Variants in FBXW11 observed in about 807,000 individuals in gnomAD.
The protein encoded by FBXW11 is F-box and WD repeat domain containing 11, also known as F-box/WD repeat-containing protein 11.
Under a neutral mutation model 77.6 loss-of-function variants are expected in FBXW11, and 19 were observed. That is an observed-to-expected ratio of 0.24 (90% CI 0.17 to 0.36). The LOEUF (loss-of-function observed/expected upper bound fraction) is 0.36. FBXW11 is among the 10% of genes least tolerant of loss of function. The pLI is 1.00. For synonymous variants in FBXW11, 235 were observed against 249.4 expected (o/e 0.94, Z 0.54); for missense variants, 334 against 704.2 (o/e 0.47, Z 5.95).
chr5:171,919,125 C>T (rs765155087), intron 2 of FBXW11, among the ~76,000 whole-genome samples: 1 of 152,026 alleles, frequency 6.6e-6, no homozygotes, highest in Non-Finnish European at 1.5e-5. Flanking sequence ...TCCTGCTTGC[C>T]ATTAAATTCA....
chr5:171,916,316 A>C, intron 2 of FBXW11: 1 of 296,544 alleles, frequency 3.4e-6, no homozygotes, highest in Non-Finnish European at 5.0e-6. Context: ...TTCTAATTTC[A>C]GAGATTTTGA....
At chr5:171,992,244 A>G (rs1440189507) in intron 1 of FBXW11, among the ~76,000 whole-genome samples, 1 of 152,050 alleles carries the variant, frequency 6.6e-6, no homozygotes, top group Non-Finnish European at 1.5e-5. Flanking sequence ...CCTGGCCAAC[A>G]TAGTGAAACC....
chr5:171,985,419 G>A (rs1339720920), intron 1 of FBXW11, among the ~76,000 whole-genome samples: 2 of 151,996 alleles, frequency 1.3e-5, no homozygotes, highest in Non-Finnish European at 2.9e-5. Flanking sequence ...GAGGCCAGGA[G>A]TTTGAGACCA....
intron 3 of FBXW11, among the ~76,000 whole-genome samples, chr5:171,913,032 A>G (rs1476349685): frequency 2.0e-5 from 3 of 152,190 alleles, no homozygotes; most frequent in Non-Finnish European, 4.4e-5. Flanking sequence ...GACAAGGGGA[A>G]CACACCATGA....
intron 1 of FBXW11, among the ~76,000 whole-genome samples, chr5:171,979,268 A>G (rs1765015286): frequency 6.6e-6 from 1 of 152,174 alleles, no homozygotes; most frequent in African/African-American, 2.4e-5. Flanking sequence ...AGCCACAATC[A>G]TGCTACTGCA....
chr5:171,865,992 C>T (rs1053599800), intron 13 of FBXW11, among the ~76,000 whole-genome samples: 10 of 152,130 alleles, frequency 6.6e-5, no homozygotes, highest in Admixed American at 4.6e-4. Context: ...GGGCCGCACG[C>T]GGTGGCTCAC....
intron 2 of FBXW11, among the ~76,000 whole-genome samples, chr5:171,936,109 T>TAAAAAAAAAAAAAAA (rs61349170): frequency 5.1e-5 from 3 of 59,336 alleles, no homozygotes; most frequent in African/African-American, 1.3e-4. Flanking sequence ...AGACTCCATC[T>TAAAAAAAAAAAAAAA]AAAAAAAAAA....
At chr5:171,947,450 G>A (rs1763070798) in intron 2 of FBXW11, among the ~76,000 whole-genome samples, 1 of 151,966 alleles carries the variant, frequency 6.6e-6, no homozygotes, top group East Asian at 1.9e-4. Flanking sequence ...TGTAATCTCA[G>A]GATTTTGCAA....
At position 171,905,589 on chromosome 5, in the gene FBXW11, AC is replaced by A. The variant is rs748894864; in HGVS notation, c.436+4982del. On this transcript the variant is annotated intron_variant, in intron 4 of 13. Transcript: ENST00000517395. ...ACGCATCTCCTCCAGCAAAAAGCTAACCCCCCCCCCTTTATTTTCTTGGTAT... is the reference window on the plus strand; with the variant it reads ...ACGCATCTCCTCCAGCAAAAAGCTAACCCCCCCCCTTTATTTTCTTGGTAT... Among the ~76,000 whole-genome samples, 428 of 111,206 alleles carry A rather than the reference AC, an allele frequency of 3.8e-3. 3 individuals are homozygous for A. Among genetic ancestry groups the A allele is most frequent in the African/African-American group, 0.011 (369 of 32,782 alleles). The allele number at this position is 111,206 out of a possible 152,430, so 73.0% of individuals were successfully genotyped here.
At chr5:171,902,172 A>T (rs1760171990) in intron 4 of FBXW11, among the ~76,000 whole-genome samples, 1 of 152,174 alleles carries the variant, frequency 6.6e-6, no homozygotes, top group African/African-American at 2.4e-5. Context: ...GCAGATGATG[A>T]TATTACCATC....
At chr5:171,894,031 G>A (rs201707207) in intron 6 of FBXW11, among the ~76,000 whole-genome samples, 13 of 139,698 alleles carry the variant, frequency 9.3e-5, no homozygotes, top group Middle Eastern at 3.6e-3. Context: ...CATGCTCTCC[G>A]CTGCTCTAAA....
intron 7 of FBXW11, among the ~76,000 whole-genome samples, chr5:171,883,964 T>A (rs1758705752): frequency 6.6e-6 from 1 of 152,238 alleles, no homozygotes; most frequent in Non-Finnish European, 1.5e-5. Flanking sequence ...ATGTATAGAT[T>A]GTGAAGATTT....
intron 1 of FBXW11, among the ~76,000 whole-genome samples, chr5:171,973,768 T>G (rs543310521): frequency 6.6e-6 from 1 of 151,862 alleles, no homozygotes; most frequent in Non-Finnish European, 1.5e-5. Flanking sequence ...GTTGGGGAGG[T>G]AAGGGGGATT....
chr5:171,911,985 A>G (rs1192979392), intron 3 of FBXW11, among the ~76,000 whole-genome samples: 7 of 152,254 alleles, frequency 4.6e-5, no homozygotes, highest in Admixed American at 4.6e-4. Flanking sequence ...ACAAAAGATA[A>G]TTCTAAGAAC....
chr5:171,868,433 C>T (rs1757552447), intron 13 of FBXW11, among the ~76,000 whole-genome samples, 177 bp downstream of exon 13: 1 of 152,116 alleles, frequency 6.6e-6, no homozygotes, highest in African/African-American at 2.4e-5. Flanking sequence ...GATTCCAACT[C>T]AAGCCTTGTA....
intron 2 of FBXW11, among the ~76,000 whole-genome samples, chr5:171,936,746 G>A (rs1027043652): frequency 1.3e-5 from 2 of 152,094 alleles, no homozygotes; most frequent in African/African-American, 4.8e-5. Context: ...AAGGCAGGCA[G>A]GTCTTACAGG....
intron 9 of FBXW11, among the ~76,000 whole-genome samples, chr5:171,875,189 T>C (rs1364259020): frequency 6.6e-6 from 1 of 151,598 alleles, no homozygotes. Context: ...GGCCAAGGAC[T>C]GCTTGAGCAC....
At chr5:171,942,766 T>C (rs966409459) in intron 2 of FBXW11, among the ~76,000 whole-genome samples, 1 of 152,208 alleles carries the variant, frequency 6.6e-6, no homozygotes, top group Admixed American at 6.5e-5. Flanking sequence ...CACACCACCG[T>C]ACTCTGGCCT....
chr5:171,867,510 T>C (rs1179560078), intron 13 of FBXW11, among the ~76,000 whole-genome samples: 1 of 140,552 alleles, frequency 7.1e-6, no homozygotes, highest in African/African-American at 2.7e-5. Context: ...AAAAAACGGG[T>C]AGTGAGTTAA....
Sources: allele counts gnomAD v4.1 joint callset (sites outside exome capture counted in the v4.1 genomes callset), GRCh38; gene constraint gnomAD v4.1.1; transcripts MANE v1.5; gene names NCBI Gene and HGNC (gene_info 2026-07-23, HGNC 2026-07-21).